The following PSAT1 variants were observed in gnomAD, a reference collection of about 807,000 sequenced individuals.
The protein encoded by PSAT1 is phosphoserine aminotransferase 1.
A neutral mutation model predicts 40.3 loss-of-function variants in PSAT1; 41 were observed. That is an observed-to-expected ratio of 1.02 (90% CI 0.79 to 1.32). The LOEUF (loss-of-function observed/expected upper bound fraction) is 1.32. Ranked by LOEUF, PSAT1 falls within the 40% of genes most tolerant of loss-of-function variation. The probability of loss-of-function intolerance (pLI) is 0.00; values close to 1 mark genes in which losing one functional copy is unlikely to be tolerated. For missense variants in PSAT1, 406 were observed against 455.8 expected, an observed-to-expected ratio of 0.89 and a Z score of 0.99; for synonymous variants, 147 against 170.5, an observed-to-expected ratio of 0.86 and a Z score of 1.07.
At chr9:78,308,271 T>A (rs1423894978) in intron 5 of PSAT1, 143 bp from the exon 6 acceptor site, 3 of 933,206 alleles carry the variant, frequency 3.2e-6, no homozygotes, top group Middle Eastern at 6.3e-4. Flanking sequence ...ACATGGAGAT[T>A]GCTTTAGAGC....
intron 6 of PSAT1, among the ~76,000 whole-genome samples, chr9:78,311,010 G>T (rs964261021): frequency 7.9e-5 from 12 of 152,204 alleles, no homozygotes; most frequent in Admixed American, 2.6e-4. Flanking sequence ...TTCCTCAGGG[G>T]AGTGTTCTGG....
chr9:78,319,872 G>A (rs1026607488), intron 7 of PSAT1, among the ~76,000 whole-genome samples: 1 of 152,092 alleles, frequency 6.6e-6, no homozygotes, highest in African/African-American at 2.4e-5. Flanking sequence ...TGCTGGGATT[G>A]GGAAGAAGGT....
rs1424288574 is a variant in PSAT1, at chr9:78,327,981, A to AG, written c.870-70_870-69insG. 3.9e-6 allele frequency: 6 copies of AG among 1,541,482 alleles called. No individual in the cohort carries two copies. The African/African-American group carries it at 8.2e-5, about 21-fold the overall frequency. ...ATCTAGGAAGTGTTAAGAAAAAAAAATCTGTTGATTTGTTTATGACAACCC... is the reference window on the plus strand; with the variant it reads ...ATCTAGGAAGTGTTAAGAAAAAAAAAGTCTGTTGATTTGTTTATGACAACCC... On this transcript the variant is annotated intron_variant, in intron 7 of 8. Transcript: ENST00000376588.
chr9:78,323,816 G>A (rs1374996067), intron 7 of PSAT1, among the ~76,000 whole-genome samples: 1 of 152,044 alleles, frequency 6.6e-6, no homozygotes, highest in Admixed American at 6.6e-5. Context: ...TTAATTTTTT[G>A]TTGACAAAAC....
chr9:78,299,781 G>T (rs1399804231), intron 1 of PSAT1, among the ~76,000 whole-genome samples: 1 of 151,942 alleles, frequency 6.6e-6, no homozygotes, highest in Admixed American at 6.6e-5. Context: ...AAAGTGCTGG[G>T]ATTACAGGCG....
At chr9:78,318,432 G>A (rs1329653600) in intron 7 of PSAT1, among the ~76,000 whole-genome samples, 1 of 152,184 alleles carries the variant, frequency 6.6e-6, no homozygotes. Flanking sequence ...CCTGGGGCTG[G>A]TGTAACAAAG....
At chr9:78,320,846 C>T (rs999266848) in intron 7 of PSAT1, among the ~76,000 whole-genome samples, 14 of 152,078 alleles carry the variant, frequency 9.2e-5, no homozygotes, top group African/African-American at 2.4e-4. Flanking sequence ...GTATAGTGGA[C>T]GGGAGACCAA....
At chr9:78,316,437 ATCCCCTAGGGC>A (rs1256135667) in intron 6 of PSAT1, among the ~76,000 whole-genome samples, 5 of 152,114 alleles carry the variant, frequency 3.3e-5, no homozygotes, top group Admixed American at 2.6e-4. Context: ...TAGAAACATG[ATCCCCTAGGGC>A]TCTCATCTCC....
rs41277897 is a variant in PSAT1 at position 78,304,891 on chromosome 9, G to A, written c.348G>A (p.Lys116=). The A allele has an allele frequency of 1.0e-2, 16,071 of 1,613,654 alleles. 183 individuals carry two copies. The highest frequency in any genetic ancestry group is 0.012 in the Non-Finnish European group (13,588 of 1,180,010). The change falls in exon 4 of 9, where the codon AAG becomes AAA. Residue 116 remains lysine (K), a synonymous_variant. Coordinates refer to ENST00000376588, the MANE Select transcript of PSAT1 (RefSeq NM_058179.4). Reference sequence around the variant, plus strand: ...CAGCTAAGGCCGCAGAAGAAGCCAAGAAGTTTGGGACTATAAATATCGTTC... The same window carrying A: ...CAGCTAAGGCCGCAGAAGAAGCCAAAAAGTTTGGGACTATAAATATCGTTC... ...AWSAKAAEEA[K]KFGTINIVHP... is the part of the protein sequence containing the mutation.
chr9:78,303,273 G>A (rs1828134265), intron 3 of PSAT1, among the ~76,000 whole-genome samples: 1 of 152,180 alleles, frequency 6.6e-6, no homozygotes, highest in Non-Finnish European at 1.5e-5. Context: ...AGCTGTAGAC[G>A]CTAATTGCAA....
intron 8 of PSAT1, 71 bp from the exon 9 acceptor site, chr9:78,328,910 G>T (rs1828540899): frequency 2.4e-6 from 3 of 1,224,554 alleles, no homozygotes; most frequent in Non-Finnish European, 2.4e-6. Context: ...GGAGCCAGTG[G>T]CTAGAAAAAG....
At chr9:78,307,869 G>A (rs1362288980) in intron 5 of PSAT1, among the ~76,000 whole-genome samples, 4 of 152,008 alleles carry the variant, frequency 2.6e-5, no homozygotes, top group South Asian at 2.1e-4. Flanking sequence ...GTGAAACCCC[G>A]TCTTTACTAA....
In PSAT1 at chr9:78,297,172, G is replaced by T; in HGVS notation, c.-39G>T. 1 of 1,578,286 alleles carries T rather than the reference G, an allele frequency of 6.3e-7. No individual in the cohort carries two copies. The highest frequency in any genetic ancestry group is 1.1e-5 in the South Asian group (1 of 87,150). ...AGGAACGCCAGCCGTTCACGCGTTC[G>T]GTCCTCCTTGGCTGACTCACCGCCC... is the stretch of plus-strand genomic sequence containing the variant. On this transcript the variant is annotated 5_prime_UTR_variant, in exon 1 of 9. Coordinates refer to ENST00000376588, the MANE Select transcript of PSAT1 (RefSeq NM_058179.4).
intron 6 of PSAT1, among the ~76,000 whole-genome samples, chr9:78,314,629 G>A (rs1828314487): frequency 6.6e-6 from 1 of 152,168 alleles, no homozygotes; most frequent in African/African-American, 2.4e-5. Context: ...CAAGTTATGG[G>A]TGCTGGCTCC....
chr9:78,324,485 C>T (rs1053343218), intron 7 of PSAT1, among the ~76,000 whole-genome samples: 1 of 152,150 alleles, frequency 6.6e-6, no homozygotes, highest in Non-Finnish European at 1.5e-5. Flanking sequence ...GGCCCCTTCT[C>T]CTACCTCGGC....
At chr9:78,327,018 C>T (rs1181110672) in intron 7 of PSAT1, among the ~76,000 whole-genome samples, 2 of 140,404 alleles carry the variant, frequency 1.4e-5, no homozygotes, top group African/African-American at 5.6e-5. Flanking sequence ...TGCTGTGGCA[C>T]AATCTTGGCT....
At chr9:78,309,605 C>T (rs141504864) in intron 6 of PSAT1, among the ~76,000 whole-genome samples, 15 of 152,330 alleles carry the variant, frequency 9.8e-5, no homozygotes, top group African/African-American at 2.6e-4. Flanking sequence ...TCAGGTTATC[C>T]GCCGGCTTTG....
chr9:78,298,312 G>C (rs1454708285), intron 1 of PSAT1: 6 of 985,250 alleles, frequency 6.1e-6, no homozygotes, highest in Non-Finnish European at 6.0e-6. Flanking sequence ...TGTTGGAGCA[G>C]CATGAGGCAT....
intron 7 of PSAT1, 152 bp from the exon 8 acceptor site, chr9:78,327,899 A>G (rs1828524166): frequency 2.6e-6 from 2 of 776,662 alleles, no homozygotes; most frequent in Non-Finnish European, 4.2e-6. Flanking sequence ...TAAGTAAACA[A>G]TAAATGTGCT....
Sources: allele counts gnomAD v4.1 joint callset (sites outside exome capture counted in the v4.1 genomes callset), GRCh38; gene constraint gnomAD v4.1.1; transcripts MANE v1.5; gene names NCBI Gene and HGNC (gene_info 2026-07-23, HGNC 2026-07-21).